Variants in DPYD observed in about 807,000 individuals in gnomAD.
DPYD encodes dihydropyrimidine dehydrogenase [NADP(+)].
DPYD carries 109 observed loss-of-function variants against 116.2 expected under a neutral mutation model. The observed-to-expected ratio is 0.94, with a 90% CI of 0.80 to 1.10. DPYD has a LOEUF of 1.10. DPYD is among the 50% of genes least tolerant of loss of function. The pLI is 0.00. For missense variants in DPYD, 1,302 were observed against 1,254.5 expected (o/e 1.04, Z -0.57); for synonymous variants, 440 against 432.0 (o/e 1.02, Z -0.23).
At chr1:97,883,039 G>A (rs934842277) in intron 2 of DPYD, among the ~76,000 whole-genome samples, 1 of 152,008 alleles carries the variant, frequency 6.6e-6, no homozygotes, top group Non-Finnish European at 1.5e-5. Flanking sequence ...TGAATTTTCA[G>A]ATTTGGGTTA....
intron 3 of DPYD, among the ~76,000 whole-genome samples, chr1:97,820,717 G>C (rs1450533990): frequency 6.6e-6 from 1 of 152,096 alleles, no homozygotes; most frequent in African/African-American, 2.4e-5. Flanking sequence ...TTCTGTACTG[G>C]TAGTTCATCT....
intron 11 of DPYD, among the ~76,000 whole-genome samples, chr1:97,573,370 T>G (rs79917705): frequency 6.6e-6 from 1 of 152,048 alleles, no homozygotes; most frequent in Non-Finnish European, 1.5e-5. Context: ...AATTCTATTT[T>G]TGGCCATTCA....
chr1:97,892,708 T>C (rs928960293), intron 1 of DPYD, among the ~76,000 whole-genome samples: 4 of 151,844 alleles, frequency 2.6e-5, no homozygotes, highest in Admixed American at 1.3e-4. Flanking sequence ...AAGTAACTTA[T>C]CATACTTTTT....
At chr1:97,257,110 T>A (rs1230444109) in intron 18 of DPYD, among the ~76,000 whole-genome samples, 1 of 151,962 alleles carries the variant, frequency 6.6e-6, no homozygotes, top group African/African-American at 2.4e-5. Flanking sequence ...AATTCTGAGT[T>A]TTTTTGATTA....
chr1:97,575,231 C>T (rs1471356025), intron 10 of DPYD, among the ~76,000 whole-genome samples: 2 of 152,148 alleles, frequency 1.3e-5, no homozygotes, highest in Admixed American at 1.3e-4. Flanking sequence ...ACTGGCTCAG[C>T]ACTTGTTCTC....
intron 2 of DPYD, among the ~76,000 whole-genome samples, chr1:97,857,416 C>A (rs1670898416): frequency 6.6e-6 from 1 of 152,148 alleles, no homozygotes; most frequent in African/African-American, 2.4e-5. Context: ...AGGATTGGAA[C>A]TTTGAGCCCC....
chr1:97,607,782 A>T (rs980043097), intron 8 of DPYD, among the ~76,000 whole-genome samples: 2 of 151,938 alleles, frequency 1.3e-5, no homozygotes, highest in Non-Finnish European at 2.9e-5. Flanking sequence ...GGATGCAAAA[A>T]TTTAAAACAT....
chr1:97,812,618 A>C (rs1267684162), intron 3 of DPYD, among the ~76,000 whole-genome samples: 1 of 152,094 alleles, frequency 6.6e-6, no homozygotes, highest in Non-Finnish European at 1.5e-5. Flanking sequence ...AACTTGGCTT[A>C]TGGAGAGGTA....
At chr1:97,782,462 A>T (rs1389099607) in intron 3 of DPYD, among the ~76,000 whole-genome samples, 1 of 152,178 alleles carries the variant, frequency 6.6e-6, no homozygotes, top group East Asian at 1.9e-4. Flanking sequence ...TTCCTGGATC[A>T]TGGGACCCCA....
At chr1:97,900,508 G>A (rs559108991) in intron 1 of DPYD, among the ~76,000 whole-genome samples, 1 of 151,718 alleles carries the variant, frequency 6.6e-6, no homozygotes, top group Non-Finnish European at 1.5e-5. Context: ...AAAGATAAGT[G>A]GGAAATCACA....
chr1:97,663,075 G>T (rs1038985867), intron 8 of DPYD, among the ~76,000 whole-genome samples: 1 of 152,120 alleles, frequency 6.6e-6, no homozygotes. Flanking sequence ...CATTTAACTA[G>T]CTTCAAGATT....
Position 97,824,803 on chromosome 1 carries a change from G to A in DPYD, c.233+3311C>T, listed in dbSNP as rs554937617. Among the ~76,000 whole-genome samples, 6 of 152,202 alleles carry A rather than the reference G, an allele frequency of 3.9e-5. No homozygotes were observed. In the East Asian group the frequency reaches 5.8e-4, roughly 15 times the overall value. ...GTATTTTCCTAAGCCCTGTATTTTC[G>A]TAGACATCTGGCTGGACTCTCCTTC... On this transcript the variant is annotated intron_variant, in intron 3 of 22. Transcript: ENST00000370192.
intron 19 of DPYD, among the ~76,000 whole-genome samples, chr1:97,205,946 A>G (rs1441212564): frequency 6.6e-6 from 1 of 151,966 alleles, no homozygotes; most frequent in Non-Finnish European, 1.5e-5. Context: ...GGGCATCTCC[A>G]GCGCTTAATG....
intron 20 of DPYD, among the ~76,000 whole-genome samples, chr1:97,185,699 T>C (rs1382680985): frequency 6.6e-6 from 1 of 152,160 alleles, no homozygotes; most frequent in Non-Finnish European, 1.5e-5. Flanking sequence ...TGAGTGAAAG[T>C]TGCAACACAT....
At chr1:97,314,770 T>C (rs977356363) in intron 16 of DPYD, among the ~76,000 whole-genome samples, 1 of 151,944 alleles carries the variant, frequency 6.6e-6, no homozygotes, top group African/African-American at 2.4e-5. Context: ...TGCCGGCTAA[T>C]CCCAACAGGA....
intron 5 of DPYD, among the ~76,000 whole-genome samples, chr1:97,712,350 C>T (rs1330067993): frequency 3.3e-5 from 5 of 151,968 alleles, no homozygotes; most frequent in South Asian, 2.1e-4. Flanking sequence ...CCAAAACTGA[C>T]CTTTTCTATT....
chr1:97,433,947 C>A (rs1188242760), intron 14 of DPYD, among the ~76,000 whole-genome samples: 2 of 152,000 alleles, frequency 1.3e-5, no homozygotes, highest in Admixed American at 1.3e-4. Flanking sequence ...GTAGCCATTC[C>A]AGCCTTTAAT....
Position 97,560,357 on chromosome 1 carries a change from T to C in DPYD, c.1340-10613A>G, listed in dbSNP as rs908731548. ...AGAAATATAATGTAGGTAAATAGAT[T>C]GATGACGTGGAGGTCAATGAACCGT... On this transcript the variant is annotated intron_variant, in intron 11 of 22. Coordinates refer to ENST00000370192, the MANE Select transcript of DPYD (RefSeq NM_000110.4). 2.0e-5 allele frequency among the ~76,000 whole-genome samples: 3 copies of C among 152,212 alleles called. No homozygotes were observed. The South Asian group carries it at 6.2e-4, about 32-fold the overall frequency.
intron 3 of DPYD, among the ~76,000 whole-genome samples, chr1:97,774,404 T>C (rs1220685658): frequency 6.6e-6 from 1 of 152,170 alleles, no homozygotes; most frequent in Non-Finnish European, 1.5e-5. Flanking sequence ...AAGGCTCTTA[T>C]CTCTTCCTTT....
Sources: gnomAD v4.1 joint callset for allele counts (sites outside exome capture counted in the v4.1 genomes callset) on GRCh38, gnomAD v4.1.1 for gene constraint, MANE v1.5 for transcripts, NCBI Gene and HGNC (gene_info 2026-07-23, HGNC 2026-07-21) for gene names.